Variants in TIMELESS observed in about 807,000 individuals in gnomAD.
The protein encoded by TIMELESS is timeless circadian regulator.
Under a neutral mutation model 164.3 loss-of-function variants are expected in TIMELESS, and 124 were observed. The ratio of observed to expected loss-of-function variants is 0.75; its 90% CI spans 0.65 to 0.88. The LOEUF (loss-of-function observed/expected upper bound fraction) is 0.88, where lower values mean the gene tolerates loss of function less well. Ranked by LOEUF, TIMELESS falls within the 40% of genes least tolerant of loss-of-function variation. TIMELESS has a pLI of 0.00. For synonymous variants in TIMELESS, 564 were observed against 563.4 expected (o/e 1.00, Z -0.02); for missense variants, 1,422 against 1,491.4 (o/e 0.95, Z 0.77).
At chr12:56,433,004 A>G (rs1881944812) in intron 6 of TIMELESS, 22 bp downstream of exon 6, 1 of 1,587,356 alleles carries the variant, frequency 6.3e-7, no homozygotes, top group East Asian at 2.2e-5. Flanking sequence ...GCACAAGAAC[A>G]CAGAACACCC....
rs370871226 is a variant in TIMELESS, at chr12:56,431,516, C to T, written c.776G>A (p.Arg259Gln). 8.1e-6 allele frequency: 13 copies of T among 1,613,648 alleles called. No individual in the cohort carries two copies. Among genetic ancestry groups the T allele is most frequent in the East Asian group, 2.2e-5 (1 of 44,834 alleles). The change falls in exon 8 of 29, where the codon CGA (arginine) becomes CAA (glutamine). Residue 259 changes from arginine to glutamine, a missense_variant. Physicochemically the swap from Arg to Gln is conservative, Grantham distance 43. Coordinates refer to ENST00000553532, the MANE Select transcript of TIMELESS (RefSeq NM_003920.5). ...TCGAGTCTTCTTTTCTGCCATCTCT[C>T]GCTGGCGCAACACCTCCAGTTCTGC... ...DFAELEVLRQREMAEKKTRAL... is the reference protein window; with the variant it reads ...DFAELEVLRQQEMAEKKTRAL...
chr12:56,429,124 A>G (rs764057133), intron 10 of TIMELESS, 24 bp from the exon 11 acceptor site: 1 of 1,598,030 alleles, frequency 6.3e-7, no homozygotes, highest in Non-Finnish European at 8.5e-7. Flanking sequence ...AAGAAAAAAA[A>G]AGATCACCAT....
intron 26 of TIMELESS, among the ~76,000 whole-genome samples, chr12:56,420,048 A>ATATATATATG (rs1473074484): frequency 2.1e-4 from 18 of 87,328 alleles, no homozygotes; most frequent in African/African-American, 8.0e-4. Context: ...ATATATATAT[A>ATATATATATG]TGTGTGTGTG....
In TIMELESS at chr12:56,417,102, T is replaced by C. The variant is rs891629732; in HGVS notation, c.*614A>G. On this transcript the variant is annotated 3_prime_UTR_variant, in exon 29 of 29. Transcript: ENST00000553532. ...GGGGAAGGGCTGGGGAACTTAGACA[T>C]ATCGCCAAGTCAGACTGAGATGAGA... 2 of 152,934 alleles carry C rather than the reference T, an allele frequency of 1.3e-5. No homozygotes were observed. The highest frequency in any genetic ancestry group is 1.3e-4 in the Admixed American group (2 of 15,402). 9.5% of individuals were successfully genotyped at this position (152,934 alleles called of 1,614,324 possible).
At chr12:56,432,770 C>T (rs1349976627) in intron 6 of TIMELESS, among the ~76,000 whole-genome samples, 2 of 143,006 alleles carry the variant, frequency 1.4e-5, no homozygotes. Flanking sequence ...TGGTGAAACC[C>T]TGTCTCTACT....
intron 13 of TIMELESS, among the ~76,000 whole-genome samples, chr12:56,426,571 G>GT (rs1031688456): frequency 6.8e-6 from 1 of 147,354 alleles, no homozygotes; most frequent in African/African-American, 2.5e-5. Flanking sequence ...TTGTTTGTTT[G>GT]TTTTTTGAGA....
intron 26 of TIMELESS, 101 bp from the exon 27 acceptor site, chr12:56,418,460 C>T (rs1176650741): frequency 4.9e-6 from 4 of 818,008 alleles, no homozygotes; most frequent in Non-Finnish European, 7.8e-6. Context: ...TGAAGATCCA[C>T]AAGGGTTGTG....
chr12:56,424,818 T>C lies in TIMELESS; in HGVS notation c.1812A>G (p.Gln604=). 1.2e-6 allele frequency: 2 copies of C among 1,614,184 alleles called. No homozygotes were observed. The highest frequency in any genetic ancestry group is 8.5e-7 in the Non-Finnish European group (1 of 1,180,038). The change falls in exon 15 of 29, where the codon CAA becomes CAG. Residue 604 remains glutamine (Q), a synonymous_variant. Coordinates refer to ENST00000553532, the MANE Select transcript of TIMELESS (RefSeq NM_003920.5). ...EQRAEAMVRI[Q]DCLLAGQAPQ... ...GGGCCTGGCCAGCCAGGAGACAGTC[T>C]TGGATCCGTACCATAGCTTCTGCCC...
At chr12:56,427,807 C>T (rs192581769) in intron 13 of TIMELESS, among the ~76,000 whole-genome samples, 131 of 152,292 alleles carry the variant, frequency 8.6e-4, no homozygotes, top group East Asian at 6.0e-3. Context: ...AACCCCTGAC[C>T]TCAAGTAATC....
chr12:56,424,669 A>G, intron 15 of TIMELESS, 93 bp downstream of exon 15: 1 of 1,470,970 alleles, frequency 6.8e-7, no homozygotes, highest in East Asian at 2.3e-5. Flanking sequence ...CCTTGATGAG[A>G]CAACTCTCTT....
intron 1 of TIMELESS, among the ~76,000 whole-genome samples, chr12:56,440,259 T>C (rs59054322): frequency 0.075 from 11,287 of 150,644 alleles, 1,379 homozygotes; most frequent in African/African-American, 0.26. Flanking sequence ...CTGCCTCAGC[T>C]TCCCAAGTAG....
chr12:56,448,442 A>G (rs1388356919), intron 1 of TIMELESS, among the ~76,000 whole-genome samples: 3 of 137,388 alleles, frequency 2.2e-5, no homozygotes, highest in African/African-American at 8.3e-5. Context: ...AAAAAAACAA[A>G]CAGGCCAGGC....
chr12:56,421,561 T>C, intron 22 of TIMELESS, 68 bp from the exon 23 acceptor site: 1 of 1,566,882 alleles, frequency 6.4e-7, no homozygotes, highest in Non-Finnish European at 8.7e-7. Flanking sequence ...AAATCAGAGG[T>C]CTCTGGAAAG....
chr12:56,422,053 C>T, intron 20 of TIMELESS, 37 bp from the exon 21 acceptor site: 1 of 1,613,808 alleles, frequency 6.2e-7, no homozygotes. Flanking sequence ...AAAGAAGGTC[C>T]CACAGCTCAA....
chr12:56,433,214 A>G (rs895028201), intron 5 of TIMELESS, 87 bp from the exon 6 acceptor site: 6 of 1,448,668 alleles, frequency 4.1e-6, no homozygotes, highest in East Asian at 2.3e-5. Context: ...ATAGAAGAGA[A>G]GCAGGATTAA....
chr12:56,441,945 G>A (rs1275001903), intron 1 of TIMELESS, among the ~76,000 whole-genome samples: 2 of 151,934 alleles, frequency 1.3e-5, no homozygotes, highest in Non-Finnish European at 2.9e-5. Context: ...TTAGTCAGGT[G>A]TGGTGGCGGG....
Position 56,433,795 on chromosome 12 carries a change from G to A in TIMELESS, c.229C>T (p.Pro77Ser), listed in dbSNP as rs1413254990. 10 of 1,614,198 alleles carry A rather than the reference G, an allele frequency of 6.2e-6. No individual in the cohort carries two copies. The highest frequency in any genetic ancestry group is 7.6e-6 in the Non-Finnish European group (9 of 1,180,036). ...AACCTGATAACAGCATCAAAGAGAG[G>A]CTTGTCCTGGTGGTGCTGGGTGAGG... ...PILTQHHQDK[P>S]LFDAVIRLMV... The change falls in exon 3 of 29, where the codon CCT becomes TCT. Residue 77 changes from proline (P) to serine (S), a missense_variant. By Grantham distance (74) the Pro-to-Ser change is moderately conservative. Transcript: ENST00000553532.
chr12:56,423,174 G>T, intron 18 of TIMELESS, 100 bp downstream of exon 18: 2 of 1,466,000 alleles, frequency 1.4e-6, no homozygotes, highest in South Asian at 1.3e-5. Flanking sequence ...CCATCTCCCA[G>T]CCCTTGACAC....
intron 1 of TIMELESS, among the ~76,000 whole-genome samples, chr12:56,437,273 C>A (rs1218128832): frequency 1.3e-5 from 2 of 152,078 alleles, no homozygotes; most frequent in East Asian, 3.8e-4. Context: ...AACAGATTAT[C>A]CTGGGTCATA....
Sources: gnomAD v4.1 joint callset for allele counts (sites outside exome capture counted in the v4.1 genomes callset) on GRCh38, gnomAD v4.1.1 for gene constraint, MANE v1.5 for transcripts, NCBI Gene and HGNC (gene_info 2026-07-23, HGNC 2026-07-21) for gene names.